The following ANKHD1 variants were observed in gnomAD, a reference collection of about 807,000 sequenced individuals.
ANKHD1 encodes ankyrin repeat and KH domain-containing protein 1.
ANKHD1 carries 31 observed loss-of-function variants against 230.5 expected under a neutral mutation model. The ratio of observed to expected loss-of-function variants is 0.13; its 90% CI spans 0.10 to 0.18. ANKHD1 has a LOEUF of 0.18. Among genes scored for constraint, ANKHD1 ranks in the 10% least tolerant of loss-of-function variants. The pLI, the probability that ANKHD1 is intolerant of heterozygous loss-of-function variation, is 1.00. For synonymous variants in ANKHD1, 1,074 were observed against 1,117.6 expected, an observed-to-expected ratio of 0.96 and a Z score of 0.78; for missense variants, 2,256 against 3,071.3, an observed-to-expected ratio of 0.73 and a Z score of 6.27.
chr5:140,436,740 C>G lies in ANKHD1; in HGVS notation c.460+483C>G, dbSNP rs191929735. On this transcript the variant is annotated intron_variant, in intron 2 of 33. Coordinates refer to ENST00000360839, the MANE Select transcript of ANKHD1 (RefSeq NM_017747.3). ...CATCCTGGGCAACAGAGCGAGACTC[C>G]GTCTGAAAAAAAAAAAAAAAAGATA... Among the ~76,000 whole-genome samples the G allele has an allele frequency of 7.6e-4, 112 of 146,932 alleles. 4 individuals carry two copies. In the East Asian group the frequency reaches 0.02, roughly 26 times the overall value.
intron 15 of ANKHD1, among the ~76,000 whole-genome samples, chr5:140,502,864 A>G (rs921991799): frequency 6.6e-6 from 1 of 152,214 alleles, no homozygotes; most frequent in Non-Finnish European, 1.5e-5. Flanking sequence ...TGAAACAAAC[A>G]TATGTAATAA....
At chr5:140,514,125 C>T (rs922547255) in intron 24 of ANKHD1, among the ~76,000 whole-genome samples, 2 of 150,844 alleles carry the variant, frequency 1.3e-5, no homozygotes, top group African/African-American at 2.4e-5. Flanking sequence ...TTCGAGGCTC[C>T]AGTGAGCCAT....
intron 14 of ANKHD1, among the ~76,000 whole-genome samples, chr5:140,492,783 T>C (rs1273819603): frequency 5.3e-5 from 8 of 152,184 alleles, no homozygotes; most frequent in Admixed American, 2.0e-4. Context: ...CATGTTTTTT[T>C]CCCATTGGCC....
chr5:140,503,719 C>T (rs564729076), intron 15 of ANKHD1, among the ~76,000 whole-genome samples: 7 of 151,734 alleles, frequency 4.6e-5, no homozygotes, highest in South Asian at 2.1e-4. Flanking sequence ...AGGCGCGTTC[C>T]ACCACTCCCA....
intron 1 of ANKHD1, among the ~76,000 whole-genome samples, chr5:140,420,364 T>C (rs1047352355): frequency 3.3e-5 from 5 of 152,134 alleles, no homozygotes; most frequent in Non-Finnish European, 7.3e-5. Context: ...ATCTTTTTGC[T>C]TGTGCTCTTG....
Position 140,511,582 on chromosome 5 carries a change from A to G in ANKHD1, c.4105-1246A>G, listed in dbSNP as rs146363108. On this transcript the variant is annotated intron_variant, in intron 22 of 33. Coordinates refer to ENST00000360839, the MANE Select transcript of ANKHD1 (RefSeq NM_017747.3). ...TTATATCTTCAAACATGTACTTACC[A>G]TTTTAATGCCTGTCTCGCCAACTAG... Among the ~76,000 whole-genome samples the G allele has an allele frequency of 1.3e-3, 203 of 152,342 alleles. 2 individuals are homozygous for G. The highest frequency in any genetic ancestry group is 2.2e-3 in the Admixed American group (33 of 15,296).
rs746157860 is a variant in ANKHD1 at position 140,487,094 on chromosome 5, AT to A, written c.2245+40del. The A allele has an allele frequency of 1.1e-5, 17 of 1,590,238 alleles. No individual in the cohort carries two copies. The African/African-American group carries it at 1.9e-4, about 18-fold the overall frequency. On this transcript the variant is annotated intron_variant, in intron 14 of 33. Transcript: ENST00000360839. ...TTGAATTATTTTTCTTAAAATGGGT[AT>A]TTTTTCACCTAATTGATAAATCCAG...
intron 33 of ANKHD1, 34 bp from the exon 34 acceptor site, chr5:140,539,325 A>G (rs753950413): frequency 6.8e-6 from 11 of 1,611,914 alleles, no homozygotes; most frequent in Non-Finnish European, 8.5e-7. Context: ...AAGATTCCTA[A>G]TTAGAAATTC....
At chr5:140,405,040 A>G (rs1024782726) in intron 1 of ANKHD1, among the ~76,000 whole-genome samples, 2 of 149,870 alleles carry the variant, frequency 1.3e-5, no homozygotes, top group African/African-American at 4.9e-5. Flanking sequence ...TGGAGTCTCC[A>G]TACCATGTAA....
At chr5:140,428,102 A>G (rs1307935661) in intron 1 of ANKHD1, among the ~76,000 whole-genome samples, 3 of 144,896 alleles carry the variant, frequency 2.1e-5, no homozygotes, top group Non-Finnish European at 3.0e-5. Flanking sequence ...GGTGCTCCTC[A>G]CTTCCTAGAT....
At chr5:140,472,475 G>A in intron 10 of ANKHD1, 1 of 1,317,898 alleles carries the variant, frequency 7.6e-7, no homozygotes, top group Non-Finnish European at 9.7e-7. Context: ...TGTATTGCTG[G>A]TAGTTTGTTT....
At chr5:140,415,776 T>A (rs866538037) in intron 1 of ANKHD1, among the ~76,000 whole-genome samples, 9 of 151,916 alleles carry the variant, frequency 5.9e-5, no homozygotes, top group Admixed American at 5.2e-4. Flanking sequence ...TAAAATTTAT[T>A]TTTATTTATT....
chr5:140,474,534 C>T (rs1581310217), intron 10 of ANKHD1, among the ~76,000 whole-genome samples: 1 of 149,076 alleles, frequency 6.7e-6, no homozygotes, highest in East Asian at 1.9e-4. Context: ...TATCTAAAGC[C>T]AAATAGAAAA....
rs1438294684 is a variant in ANKHD1, at chr5:140,527,696, AAATTC to A, written c.5088-168_5088-164del. ...GAGCAATGTAATTTTTAACTTTACT[AAATTC>A]AATTCAATATTACAAGAGATCAATT... is the stretch of plus-strand genomic sequence containing the variant. On this transcript the variant is annotated intron_variant, in intron 27 of 33. Transcript: ENST00000360839. This position sits in a 1 kb window ranked among gnomAD's most constrained non-coding sequence, Gnocchi z 4.5. 6.6e-6 allele frequency among the ~76,000 whole-genome samples: 1 copy of A among 152,236 alleles called. No homozygotes were observed. The highest frequency in any genetic ancestry group is 1.5e-5 in the Non-Finnish European group (1 of 68,042).
intron 7 of ANKHD1, among the ~76,000 whole-genome samples, chr5:140,456,949 A>G (rs1775240604): frequency 1.3e-5 from 2 of 152,230 alleles, no homozygotes; most frequent in Admixed American, 6.5e-5. Context: ...AATTTTTTCA[A>G]TCTACTTATC....
intron 30 of ANKHD1, among the ~76,000 whole-genome samples, chr5:140,536,469 T>A (rs1754081180): frequency 6.6e-6 from 1 of 152,240 alleles, no homozygotes; most frequent in South Asian, 2.1e-4. Context: ...TTATTTTATT[T>A]TAATGAGCAT....
chr5:140,496,690 T>G lies in ANKHD1; in HGVS notation c.2416T>G (p.Leu806Val). The G allele has an allele frequency of 1.2e-6, 2 of 1,613,640 alleles. No homozygotes were observed. Among genetic ancestry groups the G allele is most frequent in the Non-Finnish European group, 1.7e-6 (2 of 1,179,942 alleles). Residue 806 changes from leucine (L) to valine (V), a missense_variant, in exon 15 of 34, where the codon TTA (leucine) becomes GTA (valine). By Grantham distance (32) the Leu-to-Val change is conservative. Coordinates refer to ENST00000360839, the MANE Select transcript of ANKHD1 (RefSeq NM_017747.3). ...AAAAGCACAGCTTAAGTCACTGGAGTTAATTCAAGGTGAACCTCTGAACAA... is the reference window on the plus strand; with the variant it reads ...AAAAGCACAGCTTAAGTCACTGGAGGTAATTCAAGGTGAACCTCTGAACAA... ...IEKAQLKSLE[L>V]IQGEPLNKDK...
chr5:140,494,013 C>T (rs9687753), intron 14 of ANKHD1, among the ~76,000 whole-genome samples: 61,320 of 151,990 alleles, frequency 0.4, 13,138 homozygotes, highest in East Asian at 0.54. Flanking sequence ...ATACAAATTG[C>T]TTAGTAGCTA....
intron 29 of ANKHD1, among the ~76,000 whole-genome samples, chr5:140,533,162 C>T (rs10050563): frequency 7.9e-5 from 12 of 151,404 alleles, no homozygotes; most frequent in African/African-American, 2.7e-4. Flanking sequence ...AAAATATTGA[C>T]AGTGGCCAGG....
Sources: allele counts gnomAD v4.1 joint callset (sites outside exome capture counted in the v4.1 genomes callset), GRCh38; gene constraint gnomAD v4.1.1; non-coding constraint Gnocchi (gnomAD v3.1); transcripts MANE v1.5; gene names NCBI Gene and HGNC (gene_info 2026-07-23, HGNC 2026-07-21).